ADGRD1: variants seen among roughly 807,000 people sequenced by gnomAD.
ADGRD1 encodes the protein adhesion G protein-coupled receptor D1.
In ADGRD1, 77 loss-of-function variants were observed where a neutral mutation model predicts 113.4. The ratio of observed to expected loss-of-function variants is 0.68; its 90% CI spans 0.57 to 0.82. The LOEUF is 0.82. Among genes scored for constraint, ADGRD1 ranks in the 40% least tolerant of loss-of-function variants. The pLI, the probability that ADGRD1 is intolerant of heterozygous loss-of-function variation, is 0.00. For synonymous variants in ADGRD1, 474 were observed against 475.0 expected (o/e 1.00, Z 0.03); for missense variants, 1,036 against 1,139.1 (o/e 0.91, Z 1.30).
At chr12:131,111,607 CTTCA>C (rs1479863024) in intron 18 of ADGRD1, among the ~76,000 whole-genome samples, 2 of 143,012 alleles carry the variant, frequency 1.4e-5, no homozygotes, top group African/African-American at 4.9e-5. Flanking sequence ...CTTGATTTTT[CTTCA>C]TTGTTTTTTT....
chr12:130,954,489 C>T lies in ADGRD1; in HGVS notation c.24C>T (p.Cys8=), dbSNP rs1265576504. 2 of 1,574,090 alleles carry T rather than the reference C, an allele frequency of 1.3e-6. No homozygotes were observed. The highest frequency in any genetic ancestry group is 2.7e-5 in the African/African-American group (2 of 73,464). Residue 8 remains cysteine (C), a synonymous_variant, in exon 1 of 25, where the codon TGC becomes TGT. Transcript: ENST00000261654. The surrounding 1 kb of genome is among the most constrained non-coding windows in gnomAD (Gnocchi z 4.7). MEKLLRL[C]CWYSWLLLFY... The stretch of plus-strand genomic sequence containing the variant: ...CCATGGAAAAGCTGCTGCGGCTGTG[C>T]TGCTGGTACTCCTGGCTGCTGCTAT...
intron 18 of ADGRD1, among the ~76,000 whole-genome samples, chr12:131,115,050 C>CT (rs1256684678): frequency 6.6e-6 from 1 of 152,198 alleles, no homozygotes; most frequent in African/African-American, 2.4e-5. Context: ...TGAAGCTGCA[C>CT]TTTCATTCCA....
At position 130,966,945 on chromosome 12, in the gene ADGRD1, T is replaced by C; in HGVS notation, c.187+399T>C. On this transcript the variant is annotated intron_variant, in intron 3 of 24. Coordinates refer to ENST00000261654, the MANE Select transcript of ADGRD1 (RefSeq NM_198827.5). The surrounding 1 kb of genome is among the most constrained non-coding windows in gnomAD (Gnocchi z 4.6). ...ACGAAGCATTTTACTAGAATTTTTA[T>C]AGAGAGAGCTATTGCGTATTGAATG... is the stretch of plus-strand genomic sequence containing the variant. The C allele has an allele frequency of 2.3e-6, 1 of 438,238 alleles. No individual in the cohort carries two copies. 27.1% of individuals were successfully genotyped at this position (438,238 alleles called of 1,614,324 possible).
At chr12:130,962,519 A>G (rs1482104449) in intron 2 of ADGRD1, 1 of 152,252 alleles carries the variant, frequency 6.6e-6, no homozygotes, top group East Asian at 1.9e-4. Context: ...TAACAAGTCA[A>G]TGAGGTTTTG....
chr12:131,136,651 G>T (rs114994819), intron 22 of ADGRD1, among the ~76,000 whole-genome samples: 2 of 152,250 alleles, frequency 1.3e-5, no homozygotes, highest in South Asian at 4.1e-4. Context: ...CTCAAGTTGC[G>T]TCTGTGTCTG....
At chr12:130,961,418 G>T (rs929891350) in intron 2 of ADGRD1, among the ~76,000 whole-genome samples, 3 of 150,812 alleles carry the variant, frequency 2.0e-5, no homozygotes, top group Non-Finnish European at 4.4e-5. Context: ...TCTCTCTCTC[G>T]TTCTTTCTCT....
At chr12:131,131,929 T>C in intron 21 of ADGRD1, 113 bp downstream of exon 21, 1 of 708,526 alleles carries the variant, frequency 1.4e-6, no homozygotes, top group Non-Finnish European at 2.5e-6. Flanking sequence ...ACCAAAGTCC[T>C]CCACTTGCTC....
chr12:131,021,816 C>T (rs1017351816), intron 13 of ADGRD1, among the ~76,000 whole-genome samples: 1 of 152,122 alleles, frequency 6.6e-6, no homozygotes, highest in African/African-American at 2.4e-5. Context: ...AAACCATCCT[C>T]CTGCGTCAGC....
At chr12:130,958,022 C>G (rs56040266) in intron 2 of ADGRD1, 1 of 152,552 alleles carries the variant, frequency 6.6e-6, no homozygotes, top group Non-Finnish European at 1.5e-5. Flanking sequence ...TATTTAGGTG[C>G]CCTCCATGAA....
chr12:131,136,477 G>A (rs1299717447), intron 22 of ADGRD1, among the ~76,000 whole-genome samples: 4 of 152,228 alleles, frequency 2.6e-5, no homozygotes, highest in Admixed American at 6.5e-5. Flanking sequence ...TGGCCAGGGC[G>A]GTCCCCCAGG....
At position 131,084,702 on chromosome 12, in the gene ADGRD1, C is replaced by G; in HGVS notation, c.1671+39C>G. ...CTCAGGGGTCGCGGGACCTGGGGGACGTACCATGAGGCTGCAGGTGGGGGC... is the reference window on the plus strand; with the variant it reads ...CTCAGGGGTCGCGGGACCTGGGGGAGGTACCATGAGGCTGCAGGTGGGGGC... On this transcript the variant is annotated intron_variant, in intron 15 of 24. Transcript: ENST00000261654. The surrounding 1 kb of genome is among the most constrained non-coding windows in gnomAD (Gnocchi z 4.5). 1.2e-6 allele frequency: 2 copies of G among 1,608,992 alleles called. No homozygotes were observed. Among genetic ancestry groups the G allele is most frequent in the East Asian group, 4.5e-5 (2 of 44,742 alleles).
chr12:131,130,739 C>T (rs527541921), intron 20 of ADGRD1, among the ~76,000 whole-genome samples: 1 of 151,106 alleles, frequency 6.6e-6, no homozygotes, highest in African/African-American at 2.4e-5. Context: ...AAGAGCGAGG[C>T]CGGCCCATCC....
chr12:131,136,170 G>T lies in ADGRD1; in HGVS notation c.2394+7G>T, dbSNP rs1182221059. The T allele has an allele frequency of 6.2e-7, 1 of 1,613,912 alleles. No homozygotes were observed. The highest frequency in any genetic ancestry group is 1.7e-5 in the Admixed American group (1 of 60,004). ...CACGCTCAACTCCCTGCAGGTGAGA[G>T]CCGCGGGGACTGGCGGGGAGGCAGG... On this transcript the variant is annotated splice_region_variant and intron_variant, in intron 22 of 24. Transcript: ENST00000261654.
At chr12:130,956,927 CAT>C (rs1391376884) in intron 2 of ADGRD1, 1 of 152,472 alleles carries the variant, frequency 6.6e-6, no homozygotes, top group East Asian at 1.9e-4. Context: ...CATATGGCCA[CAT>C]GTGCCAACAC....
At chr12:131,099,164 C>T (rs986914229) in intron 15 of ADGRD1, among the ~76,000 whole-genome samples, 5 of 152,218 alleles carry the variant, frequency 3.3e-5, no homozygotes, top group Non-Finnish European at 5.9e-5. Context: ...TGGAACTTAC[C>T]GTCAGAGCTC....
intron 13 of ADGRD1, among the ~76,000 whole-genome samples, chr12:131,033,196 G>C (rs1170351272): frequency 2.0e-5 from 3 of 152,202 alleles, no homozygotes; most frequent in Non-Finnish European, 4.4e-5. Context: ...TGTGCGGGCA[G>C]GGCCGTTGGG....
chr12:131,052,000 T>C (rs1883445038), intron 13 of ADGRD1, among the ~76,000 whole-genome samples: 1 of 152,220 alleles, frequency 6.6e-6, no homozygotes, highest in Non-Finnish European at 1.5e-5. Context: ...AAATGGCTTA[T>C]GTTGAGATCT....
chr12:131,136,241 G>C, intron 22 of ADGRD1, 78 bp downstream of exon 22: 1 of 1,556,650 alleles, frequency 6.4e-7, no homozygotes, highest in Non-Finnish European at 8.7e-7. Context: ...AGGGCTGCAG[G>C]GGCAGGAGGG....
intron 13 of ADGRD1, among the ~76,000 whole-genome samples, chr12:131,028,527 T>G (rs7306353): frequency 6.6e-6 from 1 of 152,212 alleles, no homozygotes; most frequent in East Asian, 1.9e-4. Context: ...CCCGAGGCCA[T>G]GAAAGTAGTT....
Sources: gnomAD v4.1 joint callset for allele counts (sites outside exome capture counted in the v4.1 genomes callset) on GRCh38, gnomAD v4.1.1 for gene constraint, Gnocchi (gnomAD v3.1) non-coding constraint, MANE v1.5 for transcripts, NCBI Gene and HGNC (gene_info 2026-07-23, HGNC 2026-07-21) for gene names.